The following CD109 variants were observed in gnomAD, a reference collection of about 807,000 sequenced individuals.
CD109 encodes the protein CD109 molecule, also known as CD109 antigen.
In CD109, 149 loss-of-function variants were observed where a neutral mutation model predicts 165.8. The observed-to-expected ratio is 0.90, with a 90% CI of 0.79 to 1.03. The LOEUF (loss-of-function observed/expected upper bound fraction) is 1.03. Among genes scored for constraint, CD109 ranks in the 50% least tolerant of loss-of-function variants. The pLI is 0.00. For missense variants in CD109, 1,712 were observed against 1,677.8 expected, an observed-to-expected ratio of 1.02 and a Z score of -0.36; for synonymous variants, 585 against 592.1, an observed-to-expected ratio of 0.99 and a Z score of 0.18.
At chr6:73,720,162 A>AT (rs942333801) in intron 2 of CD109, among the ~76,000 whole-genome samples, 35 of 152,028 alleles carry the variant, frequency 2.3e-4, no homozygotes, top group Admixed American at 6.6e-4. Flanking sequence ...CTATTCAGCC[A>AT]TTTTTTTTAA....
rs555855185 is a variant in CD109, at chr6:73,820,991, A to T, written c.4162+428A>T. 3.3e-5 allele frequency among the ~76,000 whole-genome samples: 5 copies of T among 152,228 alleles called. No individual in the cohort carries two copies. In the South Asian group the frequency reaches 6.2e-4, roughly 19 times the overall value. ...GAATACTATGCAGCTATAAAAAAGG[A>T]TGAGTTCATGTCCTTTGTAGGGACA... On this transcript the variant is annotated intron_variant, in intron 32 of 32. Transcript: ENST00000287097.
intron 7 of CD109, 75 bp downstream of exon 7, chr6:73,759,103 C>G: frequency 1.1e-6 from 1 of 928,340 alleles, no homozygotes; most frequent in Non-Finnish European, 1.7e-6. Flanking sequence ...TTGTATACTT[C>G]AGAATATTAG....
In CD109 at chr6:73,802,818, G is replaced by C. The variant is rs548863818; in HGVS notation, c.2879-402G>C. On this transcript the variant is annotated intron_variant, in intron 23 of 32. Coordinates refer to ENST00000287097, the MANE Select transcript of CD109 (RefSeq NM_133493.5). ...GGGTTCAAGCGATTCTCCTGCCTCA[G>C]CCTCCCGAGTAGCTGGGATTACAGG... is the stretch of plus-strand genomic sequence containing the variant. Among the ~76,000 whole-genome samples, 717 of 151,414 alleles carry C rather than the reference G, an allele frequency of 4.7e-3. 3 individuals carry two copies. Among genetic ancestry groups the C allele is most frequent in the Non-Finnish European group, 8.0e-3 (541 of 67,914 alleles).
At chr6:73,808,452 A>C (rs1349395821) in intron 26 of CD109, among the ~76,000 whole-genome samples, 1 of 152,062 alleles carries the variant, frequency 6.6e-6, no homozygotes, top group African/African-American at 2.4e-5. Context: ...CAGGGCTCAG[A>C]TGTCTCTTTA....
At chr6:73,684,232 T>C in the CD109 span, among the ~76,000 whole-genome samples, 3 of 151,490 alleles carry the variant, frequency 2.0e-5, no homozygotes, top group East Asian at 5.8e-4. Flanking sequence ...TTTTTTTTTT[T>C]TTTTTGAGAC....
intron 15 of CD109, among the ~76,000 whole-genome samples, chr6:73,772,515 A>G (rs951093020): frequency 6.6e-6 from 1 of 151,132 alleles, no homozygotes; most frequent in Non-Finnish European, 1.5e-5. Flanking sequence ...CAAAAAAAAA[A>G]AAAAAAAAAA....
chr6:73,739,653 C>T (rs1772687773), intron 5 of CD109, among the ~76,000 whole-genome samples: 1 of 152,032 alleles, frequency 6.6e-6, no homozygotes, highest in Non-Finnish European at 1.5e-5. Flanking sequence ...CCGAGACCAT[C>T]TTGGCTAATA....
chr6:73,702,810 G>C (rs1771130846), intron 2 of CD109, among the ~76,000 whole-genome samples: 1 of 152,164 alleles, frequency 6.6e-6, no homozygotes. Flanking sequence ...ACATATTCAA[G>C]GCACTTAACA....
At position 73,815,076 on chromosome 6, in the gene CD109, A is replaced by G. The variant is rs371189712; in HGVS notation, c.3864A>G (p.Lys1288=). 2 of 1,591,402 alleles carry G rather than the reference A, an allele frequency of 1.3e-6. No individual in the cohort carries two copies. The highest frequency in any genetic ancestry group is 1.7e-6 in the Non-Finnish European group (2 of 1,172,644). ...CCTTTGATTTAGATGTTGCTGTAAA[A>G]GAAAATAAAGATGATCTCAATCATG... is the stretch of plus-strand genomic sequence containing the variant. ...QEAFDLDVAV[K]ENKDDLNHVD... is the part of the protein sequence containing the mutation. The change falls in exon 30 of 33, where the codon AAA becomes AAG. Residue 1288 remains lysine, a synonymous_variant. Coordinates refer to ENST00000287097, the MANE Select transcript of CD109 (RefSeq NM_133493.5).
intron 2 of CD109, among the ~76,000 whole-genome samples, chr6:73,705,023 A>T (rs979116042): frequency 1.1e-4 from 16 of 152,124 alleles, no homozygotes; most frequent in Non-Finnish European, 1.8e-4. Context: ...CAGTTACTTC[A>T]CGTACTAGAG....
At chr6:73,702,848 C>T (rs1397374025) in intron 2 of CD109, among the ~76,000 whole-genome samples, 1 of 152,168 alleles carries the variant, frequency 6.6e-6, no homozygotes, top group Admixed American at 6.5e-5. Context: ...AAAATGGTAG[C>T]TATTGTTACT....
chr6:73,714,954 A>G (rs1771669978), intron 2 of CD109, among the ~76,000 whole-genome samples: 1 of 152,218 alleles, frequency 6.6e-6, no homozygotes, highest in African/African-American at 2.4e-5. Flanking sequence ...GATATGTATA[A>G]TGAAAACAAT....
In CD109 at chr6:73,696,250, T is replaced by G. The variant is rs1253101924; in HGVS notation, c.35T>G (p.Leu12Arg). ...CCACCGCTCCTGACCGCCGCCCACC[T>G]CCTCTGCGTGTGCACCGCCGCGCTG... Reference protein sequence around the residue: ...QGPPLLTAAHLLCVCTAALAV... With the variant: ...QGPPLLTAAHRLCVCTAALAV... The change falls in exon 1 of 33, where the codon CTC (leucine) becomes CGC (arginine). Residue 12 changes from leucine to arginine, a missense_variant. Leu to Arg is a moderately radical substitution (Grantham distance 102, BLOSUM62 -2). Coordinates refer to ENST00000287097, the MANE Select transcript of CD109 (RefSeq NM_133493.5). 8 of 1,541,128 alleles carry G rather than the reference T, an allele frequency of 5.2e-6. No homozygotes were observed. The highest frequency in any genetic ancestry group is 6.1e-6 in the Non-Finnish European group (7 of 1,148,564).
rs142516827 is a variant in CD109 at position 73,737,088 on chromosome 6, T to G, written c.633+580T>G. Among the ~76,000 whole-genome samples, 439 of 152,258 alleles carry G rather than the reference T, an allele frequency of 2.9e-3. 1 individual carries two copies. The highest frequency in any genetic ancestry group is 5.0e-3 in the Non-Finnish European group (339 of 67,990). On this transcript the variant is annotated intron_variant, in intron 5 of 32. Coordinates refer to ENST00000287097, the MANE Select transcript of CD109 (RefSeq NM_133493.5). The stretch of plus-strand genomic sequence containing the variant: ...TGGAATGAATGAGACATAAACACAA[T>G]GGGATGGAAACAATTTTAAAAAGCA...
At chr6:73,713,069 T>C (rs1475421497) in intron 2 of CD109, among the ~76,000 whole-genome samples, 1 of 152,172 alleles carries the variant, frequency 6.6e-6, no homozygotes, top group Non-Finnish European at 1.5e-5. Context: ...TCCTCTCTCA[T>C]CTATGCTGCC....
chr6:73,768,331 T>C (rs1773923472), intron 14 of CD109, 100 bp downstream of exon 14: 1 of 680,588 alleles, frequency 1.5e-6, no homozygotes, highest in African/African-American at 1.8e-5. Context: ...CCAAACTGGT[T>C]AGAAATTTAT....
chr6:73,742,955 C>T (rs1772847686), intron 5 of CD109, among the ~76,000 whole-genome samples: 1 of 152,200 alleles, frequency 6.6e-6, no homozygotes, highest in Non-Finnish European at 1.5e-5. Flanking sequence ...TAAATGCCCG[C>T]AGCTAGGCAT....
chr6:73,696,375 G>C (rs1770842167), intron 1 of CD109, 86 bp downstream of exon 1: 6 of 1,151,384 alleles, frequency 5.2e-6, no homozygotes, highest in Non-Finnish European at 6.8e-6. Flanking sequence ...GGGAGGTGGC[G>C]GCTGCTGTGC....
intron 9 of CD109, 28 bp from the exon 10 acceptor site, chr6:73,763,548 T>C (rs1357664445): frequency 1.6e-6 from 2 of 1,284,944 alleles, no homozygotes; most frequent in African/African-American, 2.9e-5. Context: ...TTACTTTTGC[T>C]TTCTAAATTG....
Sources: gnomAD v4.1 joint callset for allele counts (sites outside exome capture counted in the v4.1 genomes callset) on GRCh38, gnomAD v4.1.1 for gene constraint, MANE v1.5 for transcripts, NCBI Gene and HGNC (gene_info 2026-07-23, HGNC 2026-07-21) for gene names.